LRMDA: variants seen among roughly 807,000 people sequenced by gnomAD.
LRMDA encodes leucine rich melanocyte differentiation associated.
In LRMDA, 18 loss-of-function variants were observed where a neutral mutation model predicts 29.8. That is an observed-to-expected ratio of 0.60 (90% confidence interval 0.42 to 0.90). The LOEUF is 0.90. Ranked by LOEUF, LRMDA falls within the 40% of genes least tolerant of loss-of-function variation. The probability of loss-of-function intolerance (pLI) is 0.00; values close to 1 mark genes in which losing one functional copy is unlikely to be tolerated. For synonymous variants in LRMDA, 125 were observed against 109.4 expected, an observed-to-expected ratio of 1.14 and a Z score of -0.89; for missense variants, 273 against 273.9, an observed-to-expected ratio of 1.00 and a Z score of 0.02.
chr10:75,506,709 G>A (rs3012044), intron 2 of LRMDA, among the ~76,000 whole-genome samples: 76,362 of 152,064 alleles, frequency 0.5, 21,138 homozygotes, highest in Non-Finnish European at 0.61. Flanking sequence ...TCCCTTGGCC[G>A]GTGCCCAGTG....
chr10:76,431,502 T>C (rs558650022), intron 6 of LRMDA, among the ~76,000 whole-genome samples: 145 of 152,322 alleles, frequency 9.5e-4, no homozygotes, highest in African/African-American at 3.4e-3. Context: ...GTCACTAGTC[T>C]CCTGTATGTA....
At chr10:75,988,146 G>A (rs767092523) in intron 2 of LRMDA, among the ~76,000 whole-genome samples, 2 of 152,082 alleles carry the variant, frequency 1.3e-5, no homozygotes, top group African/African-American at 4.8e-5. Context: ...ACCAAATGCT[G>A]GTAAAATATG....
At chr10:75,855,356 T>C (rs1234077791) in intron 2 of LRMDA, among the ~76,000 whole-genome samples, 2 of 152,234 alleles carry the variant, frequency 1.3e-5, no homozygotes, top group African/African-American at 4.8e-5. Flanking sequence ...GTTGGCTGCA[T>C]AAATGTCTTC....
chr10:76,134,787 A>G (rs1166287656), intron 5 of LRMDA, among the ~76,000 whole-genome samples: 1 of 152,202 alleles, frequency 6.6e-6, no homozygotes, highest in African/African-American at 2.4e-5. Context: ...ATTTCCCTCC[A>G]ATAAAATTTG....
intron 5 of LRMDA, among the ~76,000 whole-genome samples, chr10:76,127,730 C>T (rs1168117109): frequency 2.0e-5 from 3 of 151,868 alleles, no homozygotes; most frequent in Admixed American, 6.6e-5. Context: ...ACTCAGATTG[C>T]CTTAGGAGAC....
At chr10:76,294,877 G>A (rs982010088) in intron 5 of LRMDA, among the ~76,000 whole-genome samples, 1 of 152,194 alleles carries the variant, frequency 6.6e-6, no homozygotes, top group African/African-American at 2.4e-5. Context: ...TGGATGTGAT[G>A]GAGGCTTTGG....
intron 5 of LRMDA, among the ~76,000 whole-genome samples, chr10:76,187,430 T>A (rs945897964): frequency 6.6e-6 from 1 of 152,190 alleles, no homozygotes; most frequent in Non-Finnish European, 1.5e-5. Flanking sequence ...TCTAGTTCAT[T>A]ACTGCAACAG....
chr10:75,955,749 C>T (rs1373012342), intron 2 of LRMDA, among the ~76,000 whole-genome samples: 2 of 152,086 alleles, frequency 1.3e-5, no homozygotes, highest in Non-Finnish European at 2.9e-5. Context: ...TTCTGGTATA[C>T]ATTTGTTCGT....
rs577750055 is a variant in LRMDA at position 76,498,376 on chromosome 10, T to C, written c.602-58833T>C. 3.6e-4 allele frequency among the ~76,000 whole-genome samples: 27 copies of C among 75,218 alleles called. 8 individuals carry two copies. Among genetic ancestry groups the C allele is most frequent in the African/African-American group, 8.7e-4 (27 of 30,988 alleles). 49.3% of individuals were successfully genotyped at this position (75,218 alleles called of 152,430 possible). On this transcript the variant is annotated intron_variant, in intron 6 of 6. Coordinates refer to ENST00000611255, the MANE Select transcript of LRMDA (RefSeq NM_001305581.2). ...GTTGAGATCTGAGAGAAGGTAATGT[T>C]CACTCGGCTTCAGCATTTCTACTTG... is the stretch of plus-strand genomic sequence containing the variant.
intron 6 of LRMDA, among the ~76,000 whole-genome samples, chr10:76,519,883 A>G (rs2132360093): frequency 6.6e-6 from 1 of 152,256 alleles, no homozygotes; most frequent in African/African-American, 2.4e-5. Flanking sequence ...ATAATCCTTC[A>G]GCTGTCATAG....
intron 5 of LRMDA, among the ~76,000 whole-genome samples, chr10:76,217,524 C>G (rs147017236): frequency 3.3e-5 from 5 of 152,082 alleles, no homozygotes; most frequent in Non-Finnish European, 7.4e-5. Context: ...CTTGTAGATA[C>G]AGAATATTAG....
intron 2 of LRMDA, among the ~76,000 whole-genome samples, chr10:75,893,082 G>A (rs368970538): frequency 8.5e-4 from 130 of 152,296 alleles, no homozygotes; most frequent in African/African-American, 2.4e-3. Flanking sequence ...GGTTGGACTC[G>A]TGTGATAGGA....
At chr10:75,485,501 A>T (rs936150597) in intron 2 of LRMDA, among the ~76,000 whole-genome samples, 11 of 151,962 alleles carry the variant, frequency 7.2e-5, no homozygotes, top group African/African-American at 2.7e-4. Context: ...AGCTTAAGTG[A>T]TTCTTGTTCC....
chr10:76,059,745 C>T (rs1426519931), intron 5 of LRMDA, among the ~76,000 whole-genome samples: 2 of 152,212 alleles, frequency 1.3e-5, no homozygotes, highest in African/African-American at 4.8e-5. Flanking sequence ...CAAAACAGAA[C>T]AATGAAACAT....
chr10:75,513,633 T>C (rs988691927), intron 2 of LRMDA, among the ~76,000 whole-genome samples: 3 of 152,220 alleles, frequency 2.0e-5, no homozygotes, highest in African/African-American at 7.2e-5. Flanking sequence ...CTCTGGAGGC[T>C]GTAGGGGAGA....
intron 2 of LRMDA, among the ~76,000 whole-genome samples, chr10:75,617,067 G>A (rs1193287751): frequency 6.6e-6 from 1 of 152,190 alleles, no homozygotes; most frequent in Non-Finnish European, 1.5e-5. Flanking sequence ...CTATGAAAGT[G>A]TGCATTTGGG....
At chr10:76,239,638 A>G (rs1326037516) in intron 5 of LRMDA, among the ~76,000 whole-genome samples, 2 of 151,760 alleles carry the variant, frequency 1.3e-5, no homozygotes, top group African/African-American at 4.8e-5. Flanking sequence ...GAGGAATTGA[A>G]TGAGTTATCC....
intron 5 of LRMDA, among the ~76,000 whole-genome samples, chr10:76,068,800 G>C (rs1848828472): frequency 6.6e-6 from 1 of 152,150 alleles, no homozygotes; most frequent in Admixed American, 6.5e-5. Flanking sequence ...TGTACTTTCA[G>C]GGTACCCTTT....
At chr10:76,170,190 G>A (rs558055870) in intron 5 of LRMDA, among the ~76,000 whole-genome samples, 1 of 152,200 alleles carries the variant, frequency 6.6e-6, no homozygotes, top group Admixed American at 6.5e-5. Context: ...CACCCAAGAA[G>A]GTATAAACTG....
Sources: gnomAD v4.1 joint callset for allele counts (sites outside exome capture counted in the v4.1 genomes callset) on GRCh38, gnomAD v4.1.1 for gene constraint, MANE v1.5 for transcripts, NCBI Gene and HGNC (gene_info 2026-07-23, HGNC 2026-07-21) for gene names.